KCNH2: variants seen among roughly 807,000 people sequenced by gnomAD.
KCNH2 encodes the protein potassium voltage-gated channel subfamily H member 2.
Under a neutral mutation model 95.9 loss-of-function variants are expected in KCNH2, and 35 were observed. The observed-to-expected ratio is 0.37, with a 90% CI of 0.28 to 0.48. The LOEUF (loss-of-function observed/expected upper bound fraction) is 0.48. Among genes scored for constraint, KCNH2 ranks in the 20% least tolerant of loss-of-function variants. The pLI is 0.99. For synonymous variants in KCNH2, 786 were observed against 754.7 expected (o/e 1.04, Z -0.68); for missense variants, 1,274 against 1,702.9 (o/e 0.75, Z 4.43).
chr7:150,955,826 G>A (rs1259151280), intron 5 of KCNH2: 81 of 1,104,906 alleles, frequency 7.3e-5, no homozygotes, highest in Middle Eastern at 3.8e-4. Context: ...TCCTCCAGCC[G>A]GCCCCTCCTT....
At chr7:150,973,165 T>C (rs975382278) in intron 2 of KCNH2, among the ~76,000 whole-genome samples, 3 of 152,366 alleles carry the variant, frequency 2.0e-5, no homozygotes, top group South Asian at 4.1e-4. Context: ...CCAGGACTTA[T>C]GGGTTCATAT....
At chr7:150,955,750 C>T (rs889325523) in intron 5 of KCNH2, 259 of 1,263,332 alleles carry the variant, frequency 2.1e-4, no homozygotes, top group Non-Finnish European at 2.5e-4. Context: ...GGCGTGGGCC[C>T]TGCTGCCAGG....
intron 4 of KCNH2, among the ~76,000 whole-genome samples, 194 bp from the exon 5 acceptor site, chr7:150,957,696 C>T (rs576771830): frequency 6.6e-6 from 1 of 152,296 alleles, no homozygotes; most frequent in South Asian, 2.1e-4. Flanking sequence ...CAGGAGACAG[C>T]CCTGAGACCA....
At chr7:150,968,906 G>A (rs1269084338) in intron 2 of KCNH2, among the ~76,000 whole-genome samples, 2 of 152,196 alleles carry the variant, frequency 1.3e-5, no homozygotes, top group Non-Finnish European at 2.9e-5. Context: ...CCTGCTTCAT[G>A]GCGAGGAGAA....
intron 2 of KCNH2, among the ~76,000 whole-genome samples, chr7:150,974,157 G>A (rs145740426): frequency 2.0e-5 from 3 of 152,224 alleles, no homozygotes; most frequent in Admixed American, 6.5e-5. Flanking sequence ...CTGAGGTTGC[G>A]GGGAGAGGCA....
intron 5 of KCNH2, chr7:150,955,946 C>T (rs934288630): frequency 4.4e-6 from 3 of 675,382 alleles, no homozygotes; most frequent in Non-Finnish European, 5.5e-6. Context: ...GCGGCGCTCC[C>T]GCAGCCTGAG....
Position 150,947,112 on chromosome 7 carries a change from C to T in KCNH2, c.3153-58G>A, listed in dbSNP as rs1051237734. ...TGGGGACACCAGTGACAGCCTCCACCGGGAGTGGGGAAGGGGAAGGGGAGG... is the reference window on the plus strand; with the variant it reads ...TGGGGACACCAGTGACAGCCTCCACTGGGAGTGGGGAAGGGGAAGGGGAGG... On this transcript the variant is annotated intron_variant, in intron 13 of 14. Coordinates refer to ENST00000262186, the MANE Select transcript of KCNH2 (RefSeq NM_000238.4). The T allele has an allele frequency of 6.3e-5, 53 of 843,114 alleles. No homozygotes were observed. The African/African-American group carries it at 6.7e-4, about 11-fold the overall frequency. The allele number at this position is 843,114 out of a possible 1,614,324, so 52.2% of individuals were successfully genotyped here. A position where few individuals can be genotyped will look rare whatever the true frequency, so the allele number is the denominator to read the frequency against.
rs41311009 is a variant in KCNH2, at chr7:150,955,430, C to T, written c.1128+1861G>A. On this transcript the variant is annotated intron_variant, in intron 5 of 14. Coordinates refer to ENST00000262186, the MANE Select transcript of KCNH2 (RefSeq NM_000238.4). The stretch of plus-strand genomic sequence containing the variant: ...CACGAGGCTGGAGATGCGCACGGCC[C>T]GCCTCACCCGGCCTTTCTGGGCCCT... The T allele has an allele frequency of 2.8e-5, 44 of 1,565,970 alleles. 1 individual carries two copies. In the Admixed American group the frequency reaches 3.9e-4, roughly 14 times the overall value.
chr7:150,951,722 A>G lies in KCNH2; in HGVS notation c.1671T>C (p.Phe557=), dbSNP rs778940725. Residue 557 remains phenylalanine (F), a synonymous_variant, in exon 7 of 15, where the codon TTT becomes TTC. Coordinates refer to ENST00000262186, the MANE Select transcript of KCNH2 (RefSeq NM_000238.4). ...AAVLFLLMCT[F]ALIAHWLACI... ...AGGCTAGCCAGTGCGCGATGAGCGC[A>G]AAGGTGCACATGAGCAAGAACAGCA... The G allele has an allele frequency of 3.1e-6, 5 of 1,613,578 alleles. No individual in the cohort carries two copies. Among genetic ancestry groups the G allele is most frequent in the Non-Finnish European group, 4.2e-6 (5 of 1,179,474 alleles).
rs1298529398 is a variant in KCNH2 at position 150,949,406 on chromosome 7, GCATT to G, written c.2399-361_2399-358del. 216 of 523,316 alleles carry G rather than the reference GCATT, an allele frequency of 4.1e-4. 1 individual carries two copies. Among genetic ancestry groups the G allele is most frequent in the Non-Finnish European group, 4.7e-4 (191 of 404,148 alleles). The allele number at this position is 523,316 out of a possible 1,614,324, so 32.4% of individuals were successfully genotyped here. On this transcript the variant is annotated intron_variant, in intron 9 of 14. Transcript: ENST00000262186. ...AGAACACAGTAGTGAATCAAAACCAGCATTTTTTTTTTTTTTTTTTTTTTTTTAC... is the reference window on the plus strand; with the variant it reads ...AGAACACAGTAGTGAATCAAAACCAGTTTTTTTTTTTTTTTTTTTTTTTAC...
At chr7:150,966,521 C>T (rs556092294) in intron 2 of KCNH2, among the ~76,000 whole-genome samples, 1 of 151,724 alleles carries the variant, frequency 6.6e-6, no homozygotes, top group Non-Finnish European at 1.5e-5. Context: ...ACATAAACAG[C>T]GAAAACTGGC....
chr7:150,951,337 A>C, intron 7 of KCNH2, 111 bp downstream of exon 7: 1 of 1,263,556 alleles, frequency 7.9e-7, no homozygotes, highest in Non-Finnish European at 1.1e-6. Context: ...TGGCCCCTGG[A>C]GTCTCTAAGT....
chr7:150,959,458 C>T lies in KCNH2; in HGVS notation c.472+114G>A, dbSNP rs41308957. 3.1e-4 allele frequency: 415 copies of T among 1,322,522 alleles called. 1 individual carries two copies. In the African/African-American group the frequency reaches 4.9e-3, roughly 16 times the overall value. The allele number at this position is 1,322,522 out of a possible 1,614,324, so 81.9% of individuals were successfully genotyped here. ...CTTCCCACCTCCAAAGGGGGGACCC[C>T]CCACCCAACCATTACATCCTCCCTT... On this transcript the variant is annotated intron_variant, in intron 3 of 14. Transcript: ENST00000262186.
At chr7:150,959,814 A>G in intron 2 of KCNH2, 78 bp from the exon 3 acceptor site, 1 of 1,549,054 alleles carries the variant, frequency 6.5e-7, no homozygotes, top group Non-Finnish European at 8.9e-7. Flanking sequence ...TGGACCCTGG[A>G]ACCCAAGTGG....
intron 4 of KCNH2, among the ~76,000 whole-genome samples, chr7:150,957,739 C>T (rs1023846869): frequency 6.6e-6 from 1 of 152,226 alleles, no homozygotes; most frequent in Non-Finnish European, 1.5e-5. Flanking sequence ...TGCTCCAGGA[C>T]GCTGGCAGGC....
At chr7:150,970,382 C>G (rs1438693531) in intron 2 of KCNH2, among the ~76,000 whole-genome samples, 2 of 152,088 alleles carry the variant, frequency 1.3e-5, no homozygotes, top group African/African-American at 4.8e-5. Context: ...TACATAGCTC[C>G]TCTCCGGGGG....
At chr7:150,951,390 C>T in intron 7 of KCNH2, 58 bp downstream of exon 7, 1 of 1,606,286 alleles carries the variant, frequency 6.2e-7, no homozygotes, top group Admixed American at 1.7e-5. Flanking sequence ...TCAGTTTCCT[C>T]CAACTTGGGT....
chr7:150,949,551 G>T (rs1801053641), intron 9 of KCNH2: 1 of 917,450 alleles, frequency 1.1e-6, no homozygotes, highest in Non-Finnish European at 1.3e-6. Flanking sequence ...TTTTGTGGGG[G>T]TGTGTATTTG....
chr7:150,963,106 G>T (rs1439189269), intron 2 of KCNH2, among the ~76,000 whole-genome samples: 4 of 152,182 alleles, frequency 2.6e-5, no homozygotes, highest in Admixed American at 2.0e-4. Flanking sequence ...GGGCAGAGAC[G>T]AAGGACCCAG....
Sources: gnomAD v4.1 joint callset for allele counts (sites outside exome capture counted in the v4.1 genomes callset) on GRCh38, gnomAD v4.1.1 for gene constraint, MANE v1.5 for transcripts, NCBI Gene and HGNC (gene_info 2026-07-23, HGNC 2026-07-21) for gene names.